GYS2: variants seen among roughly 807,000 people sequenced by gnomAD.
GYS2 encodes the protein glycogen synthase 2, also known as glycogen [starch] synthase, liver.
A neutral mutation model predicts 85.6 loss-of-function variants in GYS2; 80 were observed. That is an observed-to-expected ratio of 0.93 (90% CI 0.78 to 1.13). The LOEUF (loss-of-function observed/expected upper bound fraction) is 1.13, where lower values mean the gene tolerates loss of function less well. Among genes scored for constraint, GYS2 ranks in the 50% most tolerant of loss-of-function variants. The pLI, the probability that GYS2 is intolerant of heterozygous loss-of-function variation, is 0.00. For synonymous variants in GYS2, 328 were observed against 300.7 expected (o/e 1.09, Z -0.94); for missense variants, 881 against 854.9 (o/e 1.03, Z -0.38).
At chr12:21,574,081 A>T (rs1591799144) in intron 4 of GYS2, 63 bp downstream of exon 4, 2 of 1,275,760 alleles carry the variant, frequency 1.6e-6, no homozygotes, top group East Asian at 4.7e-5. Context: ...ATCAATACTT[A>T]TCTTTCAGCT....
intron 1 of GYS2, among the ~76,000 whole-genome samples, chr12:21,589,321 C>T (rs529003568): frequency 3.3e-5 from 5 of 152,252 alleles, no homozygotes; most frequent in African/African-American, 9.6e-5. Context: ...TTAACTAATT[C>T]GCTACTTCTT....
chr12:21,571,790 G>A (rs1386248742), intron 4 of GYS2, among the ~76,000 whole-genome samples: 2 of 151,992 alleles, frequency 1.3e-5, no homozygotes, highest in African/African-American at 4.8e-5. Flanking sequence ...GTGAAAACTC[G>A]TCTCTACTAA....
At chr12:21,549,672 G>A (rs887751359) in intron 11 of GYS2, among the ~76,000 whole-genome samples, 21 of 152,180 alleles carry the variant, frequency 1.4e-4, no homozygotes, top group Non-Finnish European at 1.9e-4. Flanking sequence ...CCCTCAATGC[G>A]GGTTTGTCTT....
chr12:21,540,268 A>G, intron 14 of GYS2, 142 bp downstream of exon 14: 8 of 810,520 alleles, frequency 9.9e-6, no homozygotes, highest in Non-Finnish European at 1.6e-5. Flanking sequence ...AAACTTATTA[A>G]ATTTTAAAAA....
chr12:21,597,182 G>T (rs899968626), intron 1 of GYS2, among the ~76,000 whole-genome samples: 1 of 152,046 alleles, frequency 6.6e-6, no homozygotes. Context: ...AAAAGCACAG[G>T]CAACAAAAGC....
At chr12:21,535,612 C>G (rs1943903289), downstream of GYS2, among the ~76,000 whole-genome samples, 1 of 152,190 alleles carries the variant, frequency 6.6e-6, no homozygotes. Context: ...TTTCTAGCTA[C>G]TGCAGCAATA....
At chr12:21,546,731 G>A (rs191080299) in intron 11 of GYS2, among the ~76,000 whole-genome samples, 2 of 152,284 alleles carry the variant, frequency 1.3e-5, no homozygotes, top group Admixed American at 1.3e-4. Context: ...AGGAGTTAGA[G>A]TGCTCATTTT....
chr12:21,580,349 C>T lies in GYS2; in HGVS notation c.296G>A (p.Gly99Asp). ...AAGTGTCAGTTCCTTTACCTGGCAG[C>T]CATGCTTATTCATTGCGTCCACTGC... is the stretch of plus-strand genomic sequence containing the variant. ...RRAVDAMNKH[G>D]CQVHFGRWLI... The change falls in exon 2 of 16, where the codon GGC (glycine) becomes GAC (aspartate). Residue 99 changes from glycine to aspartate, a missense_variant. By Grantham distance (94) the Gly-to-Asp change is moderately conservative. Coordinates refer to ENST00000261195, the MANE Select transcript of GYS2 (RefSeq NM_021957.4). The T allele has an allele frequency of 6.2e-7, 1 of 1,613,234 alleles. No individual in the cohort carries two copies. Among genetic ancestry groups the T allele is most frequent in the African/African-American group, 1.3e-5 (1 of 75,012 alleles).
intron 1 of GYS2, among the ~76,000 whole-genome samples, chr12:21,594,832 C>T (rs1019360594): frequency 2.6e-5 from 4 of 152,134 alleles, no homozygotes; most frequent in African/African-American, 9.7e-5. Context: ...ATCATACTAC[C>T]TGATTTCAAA....
At position 21,546,321 on chromosome 12, in the gene GYS2, C is replaced by T. The variant is rs780085122; in HGVS notation, c.1549+23G>A. ...TATACTAACAAAATTCAAAACATTC[C>T]ACACTCTATACATGACACATACCTG... On this transcript the variant is annotated intron_variant, in intron 12 of 15. Coordinates refer to ENST00000261195, the MANE Select transcript of GYS2 (RefSeq NM_021957.4). 5 of 1,549,334 alleles carry T rather than the reference C, an allele frequency of 3.2e-6. No individual in the cohort carries two copies. The South Asian group carries it at 5.7e-5, about 18-fold the overall frequency.
chr12:21,564,719 T>C (rs1944297406), intron 5 of GYS2, among the ~76,000 whole-genome samples: 1 of 152,218 alleles, frequency 6.6e-6, no homozygotes, highest in Admixed American at 6.5e-5. Flanking sequence ...TTAAAATGTA[T>C]TTATCTTTCT....
intron 1 of GYS2, among the ~76,000 whole-genome samples, chr12:21,601,635 AC>A (rs1221561583): frequency 6.6e-6 from 1 of 152,066 alleles, no homozygotes; most frequent in Non-Finnish European, 1.5e-5. Context: ...TAGGTTAGAA[AC>A]CACTCCCCAT....
chr12:21,546,939 G>A (rs113200944), intron 11 of GYS2, among the ~76,000 whole-genome samples: 1 of 152,200 alleles, frequency 6.6e-6, no homozygotes, highest in African/African-American at 2.4e-5. Flanking sequence ...CAGGGAAGAT[G>A]TTCTAGGAAT....
At chr12:21,555,787 G>T (rs1188864265) in intron 11 of GYS2, among the ~76,000 whole-genome samples, 1 of 151,994 alleles carries the variant, frequency 6.6e-6, no homozygotes, top group African/African-American at 2.4e-5. Context: ...CATTCTCCTA[G>T]GCTGCAGCAC....
intron 1 of GYS2, among the ~76,000 whole-genome samples, chr12:21,600,825 T>G (rs1311892144): frequency 6.6e-6 from 1 of 152,148 alleles, no homozygotes; most frequent in South Asian, 2.1e-4. Context: ...TATAATTTCT[T>G]CCATAACCAC....
intron 2 of GYS2, among the ~76,000 whole-genome samples, 192 bp downstream of exon 2, chr12:21,580,150 T>C (rs1944492646): frequency 6.6e-6 from 1 of 152,212 alleles, no homozygotes; most frequent in Non-Finnish European, 1.5e-5. Flanking sequence ...CCAAACCAAT[T>C]ATCCTTCCTC....
At chr12:21,538,323 G>A (rs1366025737) in intron 15 of GYS2, among the ~76,000 whole-genome samples, 2 of 152,182 alleles carry the variant, frequency 1.3e-5, no homozygotes, top group Non-Finnish European at 1.5e-5. Flanking sequence ...TGGAATATAA[G>A]TCATGTTATT....
At chr12:21,549,694 T>A (rs929380556) in intron 11 of GYS2, among the ~76,000 whole-genome samples, 6 of 152,242 alleles carry the variant, frequency 3.9e-5, no homozygotes, top group African/African-American at 1.4e-4. Context: ...CGCTTCTTCA[T>A]AATTAGATTT....
chr12:21,572,747 A>G (rs1944401206), intron 4 of GYS2, among the ~76,000 whole-genome samples: 1 of 152,232 alleles, frequency 6.6e-6, no homozygotes. Context: ...ACTATATACT[A>G]TAATGCATTT....
Sources: gnomAD v4.1 joint callset for allele counts (sites outside exome capture counted in the v4.1 genomes callset) on GRCh38, gnomAD v4.1.1 for gene constraint, MANE v1.5 for transcripts, NCBI Gene and HGNC (gene_info 2026-07-23, HGNC 2026-07-21) for gene names.